Variants in PDZRN4 observed in about 807,000 individuals in gnomAD.
PDZRN4 encodes the protein PDZ domain-containing RING finger protein 4.
Under a neutral mutation model 99.0 loss-of-function variants are expected in PDZRN4, and 70 were observed. The observed-to-expected ratio is 0.71, with a 90% CI of 0.58 to 0.86. The LOEUF is 0.86. Ranked by LOEUF, PDZRN4 falls within the 40% of genes least tolerant of loss-of-function variation. The pLI, the probability that PDZRN4 is intolerant of heterozygous loss-of-function variation, is 0.00. For missense variants in PDZRN4, 1,474 were observed against 1,331.2 expected, an observed-to-expected ratio of 1.11 and a Z score of -1.67; for synonymous variants, 551 against 501.6, an observed-to-expected ratio of 1.10 and a Z score of -1.32.
intron 3 of PDZRN4, among the ~76,000 whole-genome samples, chr12:41,200,273 T>C (rs1950805405): frequency 6.6e-6 from 1 of 152,102 alleles, no homozygotes; most frequent in African/African-American, 2.4e-5. Flanking sequence ...TCTCAACTTT[T>C]CCATTTCTCA....
intron 3 of PDZRN4, among the ~76,000 whole-genome samples, chr12:41,209,824 T>C (rs1950876502): frequency 6.7e-6 from 1 of 149,830 alleles, no homozygotes; most frequent in Admixed American, 6.7e-5. Context: ...CATGTGTCTT[T>C]ATAGCAGCAT....
intron 1 of PDZRN4, among the ~76,000 whole-genome samples, chr12:41,189,824 C>CA (rs1950724551): frequency 6.6e-6 from 1 of 152,072 alleles, no homozygotes; most frequent in African/African-American, 2.4e-5. Flanking sequence ...CTGGGAAGTC[C>CA]AGTCCGAGAA....
At chr12:41,189,759 G>A (rs146790431) in intron 1 of PDZRN4, among the ~76,000 whole-genome samples, 131 of 152,128 alleles carry the variant, frequency 8.6e-4, no homozygotes, top group African/African-American at 3.1e-3. Context: ...TCCTTGCCTC[G>A]GGATCTCATT....
chr12:41,382,393 C>A (rs1276179741), intron 3 of PDZRN4, among the ~76,000 whole-genome samples: 3 of 152,210 alleles, frequency 2.0e-5, no homozygotes, highest in Non-Finnish European at 2.9e-5. Flanking sequence ...ACCAAGGTAA[C>A]TGATTGCAAA....
At position 41,541,173 on chromosome 12, in the gene PDZRN4, G is replaced by A. The variant is rs562907446; in HGVS notation, c.1204-11483G>A. Among the ~76,000 whole-genome samples, 12 of 151,710 alleles carry A rather than the reference G, an allele frequency of 7.9e-5. No individual in the cohort carries two copies. In the South Asian group the frequency reaches 1.5e-3, roughly 19 times the overall value. ...TCTTGATCTCCTGACCTCATAATCC[G>A]CCCACCTTGGCCTTCCAACGTGCTG... On this transcript the variant is annotated intron_variant, in intron 5 of 9. Transcript: ENST00000402685.
intron 3 of PDZRN4, among the ~76,000 whole-genome samples, chr12:41,504,019 C>T (rs1286117867): frequency 1.3e-5 from 2 of 152,056 alleles, no homozygotes; most frequent in African/African-American, 4.8e-5. Flanking sequence ...GCCTGCAATC[C>T]CAGCACTTTG....
chr12:41,474,764 A>G (rs1953024434), intron 3 of PDZRN4, among the ~76,000 whole-genome samples: 1 of 152,212 alleles, frequency 6.6e-6, no homozygotes, highest in African/African-American at 2.4e-5. Context: ...TGGTGAGGAC[A>G]CAGAAAAAAA....
At chr12:41,284,079 G>A (rs1951406374) in intron 3 of PDZRN4, among the ~76,000 whole-genome samples, 1 of 152,178 alleles carries the variant, frequency 6.6e-6, no homozygotes, top group African/African-American at 2.4e-5. Flanking sequence ...ATCTCTGTTT[G>A]CAGATGACAT....
chr12:41,311,348 T>G (rs1951605503), intron 3 of PDZRN4, among the ~76,000 whole-genome samples: 1 of 152,044 alleles, frequency 6.6e-6, no homozygotes, highest in Non-Finnish European at 1.5e-5. Flanking sequence ...TGAAAGTTAA[T>G]CAGCAATACA....
intron 3 of PDZRN4, among the ~76,000 whole-genome samples, chr12:41,438,607 TTTTG>T (rs1952652315): frequency 6.6e-6 from 1 of 152,228 alleles, no homozygotes; most frequent in Non-Finnish European, 1.5e-5. Context: ...TTTATAAGGT[TTTTG>T]TTTGTTTAGC....
At chr12:41,280,002 A>G (rs1211096963) in intron 3 of PDZRN4, among the ~76,000 whole-genome samples, 1 of 152,138 alleles carries the variant, frequency 6.6e-6, no homozygotes, top group East Asian at 1.9e-4. Context: ...CTGCATTTCC[A>G]ACAGAGGTAC....
At chr12:41,547,839 T>C (rs558498772) in intron 5 of PDZRN4, among the ~76,000 whole-genome samples, 33 of 152,254 alleles carry the variant, frequency 2.2e-4, no homozygotes, top group Non-Finnish European at 2.8e-4. Context: ...AAATAGGTCA[T>C]TGATGACTTT....
At chr12:41,520,100 G>A (rs931262108) in intron 5 of PDZRN4, among the ~76,000 whole-genome samples, 1 of 151,988 alleles carries the variant, frequency 6.6e-6, no homozygotes, top group African/African-American at 2.4e-5. Context: ...CCTCCACACT[G>A]TTCTATACCA....
chr12:41,556,584 T>C (rs1939168537), intron 7 of PDZRN4, among the ~76,000 whole-genome samples: 1 of 152,222 alleles, frequency 6.6e-6, no homozygotes, highest in Non-Finnish European at 1.5e-5. Context: ...CAGTCCATTG[T>C]TGACTGAAAA....
At position 41,266,742 on chromosome 12, in the gene PDZRN4, T is replaced by A. The variant is rs148643296; in HGVS notation, c.843+72554T>A. Among the ~76,000 whole-genome samples, 343 of 152,318 alleles carry A rather than the reference T, an allele frequency of 2.3e-3. 2 individuals are homozygous for A. The highest frequency in any genetic ancestry group is 3.5e-3 in the Non-Finnish European group (237 of 68,018). On this transcript the variant is annotated intron_variant, in intron 3 of 9. Transcript: ENST00000402685. The stretch of plus-strand genomic sequence containing the variant: ...GTGAAGGCTGTGTAAATATCCAGAA[T>A]ATGTTTGTTGGGAAAAAATATTTTT...
At chr12:41,341,877 A>G (rs952186126) in intron 3 of PDZRN4, among the ~76,000 whole-genome samples, 1 of 151,920 alleles carries the variant, frequency 6.6e-6, no homozygotes, top group African/African-American at 2.4e-5. Context: ...AACACAAAAG[A>G]CCCTGAACAG....
intron 3 of PDZRN4, among the ~76,000 whole-genome samples, chr12:41,442,876 T>C (rs781766574): frequency 6.6e-6 from 1 of 152,032 alleles, no homozygotes; most frequent in Non-Finnish European, 1.5e-5. Context: ...GGCTAAGAAA[T>C]AAATAGCAAG....
intron 3 of PDZRN4, among the ~76,000 whole-genome samples, chr12:41,286,420 C>G (rs12369121): frequency 1.3e-5 from 2 of 149,148 alleles, no homozygotes; most frequent in African/African-American, 2.5e-5. Flanking sequence ...AGAACTACCC[C>G]ACTCTCCCAA....
At chr12:41,259,501 T>G (rs73120943) in intron 3 of PDZRN4, among the ~76,000 whole-genome samples, 5,870 of 152,116 alleles carry the variant, frequency 0.039, 391 homozygotes, top group African/African-American at 0.13. Flanking sequence ...CTTGAAAGTG[T>G]TTATTTGTGT....
Sources: allele counts gnomAD v4.1 joint callset (sites outside exome capture counted in the v4.1 genomes callset), GRCh38; gene constraint gnomAD v4.1.1; transcripts MANE v1.5; gene names NCBI Gene and HGNC (gene_info 2026-07-23, HGNC 2026-07-21).